The following RYR1 variants were observed in gnomAD, a reference collection of about 807,000 sequenced individuals.
The protein encoded by RYR1 is ryanodine receptor 1.
Under a neutral mutation model 583.5 loss-of-function variants are expected in RYR1, and 342 were observed. The ratio of observed to expected loss-of-function variants is 0.59; its 90% CI spans 0.54 to 0.64. The LOEUF is 0.64. RYR1 is among the 30% of genes least tolerant of loss of function. RYR1 has a pLI of 0.00. For missense variants in RYR1, 6,032 were observed against 6,917.2 expected (o/e 0.87, Z 4.54); for synonymous variants, 2,791 against 2,822.5 (o/e 0.99, Z 0.35).
chr19:38,512,314 G>C lies in RYR1; in HGVS notation c.9303G>C (p.Glu3101Asp), dbSNP rs1179402222. The part of the protein sequence containing the change: ...GLRSFFESAS[E>D]DIEKMVENLR... ...GCTCCTTCTTCGAGAGTGCCTCGGA[G>C]GACATCGAGAAGATGGTGGAGAACC... The change falls in exon 63 of 106, where the codon GAG (glutamate) becomes GAC (aspartate). Residue 3101 changes from glutamate (E) to aspartate (D), a missense_variant. Glu to Asp is a conservative substitution (Grantham distance 45). Around this residue, in one of 11 missense-constraint regions of RYR1, gnomAD observed 1,493 missense variants for 1,715.5 expected, o/e 0.87. Coordinates refer to ENST00000359596, the MANE Select transcript of RYR1 (RefSeq NM_000540.3). The surrounding 1 kb of genome is among the most constrained non-coding windows in gnomAD (Gnocchi z 5.1). 6.2e-7 allele frequency: 1 copy of C among 1,614,248 alleles called. No individual in the cohort carries two copies. The highest frequency in any genetic ancestry group is 8.5e-7 in the Non-Finnish European group (1 of 1,180,048).
At chr19:38,528,001 C>G in intron 73 of RYR1, 1 of 622,586 alleles carries the variant, frequency 1.6e-6, no homozygotes, top group Non-Finnish European at 2.8e-6. Flanking sequence ...AGGGGCAGAT[C>G]TTTAGGTCTA....
At chr19:38,457,856 C>T (rs540021348) in intron 17 of RYR1, among the ~76,000 whole-genome samples, 195 bp from the exon 18 acceptor site, 14 of 151,688 alleles carry the variant, frequency 9.2e-5, no homozygotes, top group Non-Finnish European at 1.8e-4. Context: ...TTCTTTCTCC[C>T]TCTCCCTCTC....
intron 34 of RYR1, among the ~76,000 whole-genome samples, chr19:38,487,546 GTTTCACCATGTTGACCAGGCTGGTC>G (rs1195429442): frequency 6.6e-6 from 1 of 152,068 alleles, no homozygotes; most frequent in Non-Finnish European, 1.5e-5. Context: ...TAGAGATGGG[GTTTCACCATGTTGACCAGGCTGGTC>G]TTGAACTCCT....
intron 1 of RYR1, among the ~76,000 whole-genome samples, chr19:38,434,610 G>C (rs536221461): frequency 6.6e-5 from 10 of 152,142 alleles, no homozygotes; most frequent in Non-Finnish European, 1.2e-4. Flanking sequence ...CCCCAGCTGG[G>C]GGCAGGGATG....
chr19:38,526,406 C>T (rs887848934), intron 71 of RYR1, among the ~76,000 whole-genome samples: 4 of 151,778 alleles, frequency 2.6e-5, no homozygotes, highest in Non-Finnish European at 4.4e-5. Flanking sequence ...CCACCGACTT[C>T]TCCCCTGCTA....
intron 27 of RYR1, 46 bp downstream of exon 27, chr19:38,469,559 C>T: frequency 6.4e-7 from 1 of 1,559,522 alleles, no homozygotes; most frequent in Non-Finnish European, 8.8e-7. Flanking sequence ...CTCCAAAGCT[C>T]CTTCCTTCCA....
At chr19:38,482,420 G>A (rs1969055132) in intron 31 of RYR1, among the ~76,000 whole-genome samples, 1 of 152,038 alleles carries the variant, frequency 6.6e-6, no homozygotes, top group African/African-American at 2.4e-5. Flanking sequence ...CTGGGAAGAC[G>A]GGAGAGGGGC....
chr19:38,547,299 C>T (rs900047943), intron 88 of RYR1, among the ~76,000 whole-genome samples: 2 of 151,624 alleles, frequency 1.3e-5, no homozygotes, highest in Non-Finnish European at 2.9e-5. Flanking sequence ...GATCCTCCCG[C>T]CTCAGCCTCC....
chr19:38,462,973 T>C (rs992433244), intron 20 of RYR1, among the ~76,000 whole-genome samples: 1 of 141,400 alleles, frequency 7.1e-6, no homozygotes, highest in Non-Finnish European at 1.5e-5. Flanking sequence ...CTTGGCTCAC[T>C]GCAACCTCTG....
intron 18 of RYR1, among the ~76,000 whole-genome samples, 186 bp downstream of exon 18, chr19:38,458,478 C>T (rs1330321272): frequency 6.6e-6 from 1 of 152,178 alleles, no homozygotes; most frequent in African/African-American, 2.4e-5. Context: ...TGACTTGTAT[C>T]CTCGTTACCT....
intron 89 of RYR1, among the ~76,000 whole-genome samples, chr19:38,552,323 C>T (rs962332314): frequency 3.3e-5 from 5 of 151,444 alleles, no homozygotes; most frequent in East Asian, 1.9e-4. Context: ...GATGTGATCT[C>T]GGCTCACTGC....
chr19:38,492,932 T>C (rs1969624188), intron 38 of RYR1, among the ~76,000 whole-genome samples: 1 of 152,058 alleles, frequency 6.6e-6, no homozygotes, highest in Non-Finnish European at 1.5e-5. Flanking sequence ...TAGCTGGGTG[T>C]GGCGGTGCAT....
chr19:38,489,997 A>T lies in RYR1; in HGVS notation c.5815-79A>T, dbSNP rs868140357. 8.2e-5 allele frequency: 119 copies of T among 1,442,650 alleles called. No homozygotes were observed. In the African/African-American group the frequency reaches 1.4e-3, roughly 17 times the overall value. 89.4% of individuals were successfully genotyped at this position (1,442,650 alleles called of 1,614,324 possible). ...ACCTGGGCAGGGCCATGGAGAGGGG[A>T]GAGGAAGCAAGAGAAGTTTCAAGGA... is the stretch of plus-strand genomic sequence containing the variant. On this transcript the variant is annotated intron_variant, in intron 35 of 105. Coordinates refer to ENST00000359596, the MANE Select transcript of RYR1 (RefSeq NM_000540.3).
At chr19:38,490,591 C>T in intron 36 of RYR1, 30 bp from the exon 37 acceptor site, 1 of 1,400,880 alleles carries the variant, frequency 7.1e-7, no homozygotes, top group East Asian at 2.3e-5. Context: ...GGATCTCAGA[C>T]CCTCATTCTA....
chr19:38,501,446 C>T (rs35407808), intron 47 of RYR1, among the ~76,000 whole-genome samples: 4,550 of 152,154 alleles, frequency 0.03, 89 homozygotes, highest in Admixed American at 0.048. Context: ...TGCAGTGAGC[C>T]GAGATCGTGC....
At chr19:38,458,745 C>A (rs1600686551) in intron 18 of RYR1, among the ~76,000 whole-genome samples, 1 of 152,322 alleles carries the variant, frequency 6.6e-6, no homozygotes, top group Admixed American at 6.5e-5. Context: ...CTGCCTCAGC[C>A]TCCTGAGTAG....
intron 42 of RYR1, among the ~76,000 whole-genome samples, chr19:38,498,797 G>A (rs563109236): frequency 4.6e-5 from 7 of 152,240 alleles, no homozygotes; most frequent in Middle Eastern, 3.4e-3. Context: ...GGTTTTGGCC[G>A]GCTTCTTTAC....
rs1971786153 is a variant in RYR1 at position 38,532,553 on chromosome 19, C to T, written c.11193+12C>T. On this transcript the variant is annotated intron_variant, in intron 77 of 105. Coordinates refer to ENST00000359596, the MANE Select transcript of RYR1 (RefSeq NM_000540.3). ...ATATCATGGCAAAGGTGAGGCCCTA[C>T]CCCCCTCTTCTGGGGCAGATTTCCC... 3 of 1,613,788 alleles carry T rather than the reference C, an allele frequency of 1.9e-6. No homozygotes were observed. The highest frequency in any genetic ancestry group is 2.7e-5 in the African/African-American group (2 of 74,908).
chr19:38,522,582 C>T (rs1045480383), intron 67 of RYR1, among the ~76,000 whole-genome samples: 1 of 151,620 alleles, frequency 6.6e-6, no homozygotes, highest in Non-Finnish European at 1.5e-5. Flanking sequence ...CACTGTACTC[C>T]AGCCTGACAG....
Sources: gnomAD v4.1 joint callset for allele counts (sites outside exome capture counted in the v4.1 genomes callset) on GRCh38, gnomAD v4.1.1 for gene constraint, gnomAD v4.1.1 regional missense constraint, Gnocchi (gnomAD v3.1) non-coding constraint, MANE v1.5 for transcripts, NCBI Gene and HGNC (gene_info 2026-07-23, HGNC 2026-07-21) for gene names.